CDK5RAP1: variants seen among roughly 807,000 people sequenced by gnomAD.
The protein encoded by CDK5RAP1 is CDK5RAP1 mitochondrial tRNA methylthiotransferase.
A neutral mutation model predicts 64.5 loss-of-function variants in CDK5RAP1; 62 were observed. The ratio of observed to expected loss-of-function variants is 0.96; its 90% confidence interval spans 0.78 to 1.19. The LOEUF (loss-of-function observed/expected upper bound fraction) is 1.19. CDK5RAP1 is among the 50% of genes most tolerant of loss of function. The pLI, the probability that CDK5RAP1 is intolerant of heterozygous loss-of-function variation, is 0.00. For synonymous variants in CDK5RAP1, 250 were observed against 261.9 expected (o/e 0.95, Z 0.44); for missense variants, 657 against 735.0 (o/e 0.89, Z 1.23).
intron 3 of CDK5RAP1, 28 bp downstream of exon 3, chr20:33,394,985 A>C: frequency 1.5e-6 from 2 of 1,368,460 alleles, no homozygotes; most frequent in Non-Finnish European, 2.1e-6. Context: ...CAGGTCCAGG[A>C]AACAAAGGAA....
chr20:33,396,939 G>A lies in CDK5RAP1; in HGVS notation c.126C>T (p.Pro42=). ...AHSSLSSTMC[P]SPERQEDGAR... The stretch of plus-strand genomic sequence containing the variant: ...CTCCATCCTCCTGCCTCTCTGGACT[G>A]GGACACATGGTACTAGAGAGACTGC... The change falls in exon 2 of 14, where the codon CCC becomes CCT. Residue 42 remains proline (P), a synonymous_variant. Coordinates refer to ENST00000346416, the MANE Select transcript of CDK5RAP1 (RefSeq NM_016408.4). 6.2e-7 allele frequency: 1 copy of A among 1,614,152 alleles called. No individual in the cohort carries two copies. The highest frequency in any genetic ancestry group is 8.5e-7 in the Non-Finnish European group (1 of 1,180,004).
rs148856565 is a variant in CDK5RAP1 at position 33,373,149 on chromosome 20, C to CGTGTGTGTGTGTGTGTGT, written c.1206-470_1206-453dup. ...AGAGACTGGGTTTCGCCATGTTGCC[C>CGTGTGTGTGTGTGTGTGT]GTGTGTGTGTGTGTGTGTGTGTGTG... On this transcript the variant is annotated intron_variant, in intron 9 of 13. Transcript: ENST00000346416. 1,156 of 140,000 alleles carry CGTGTGTGTGTGTGTGTGT rather than the reference C, an allele frequency of 8.3e-3. 32 individuals are homozygous for CGTGTGTGTGTGTGTGTGT. Among genetic ancestry groups the CGTGTGTGTGTGTGTGTGT allele is most frequent in the African/African-American group, 0.031 (1,114 of 36,020 alleles). The allele number at this position is 140,000 out of a possible 1,614,324, so 8.7% of individuals were successfully genotyped here.
chr20:33,383,841 G>A (rs955004413), intron 7 of CDK5RAP1, among the ~76,000 whole-genome samples: 9 of 144,928 alleles, frequency 6.2e-5, no homozygotes, highest in Admixed American at 4.2e-4. Context: ...GAATCTGGGA[G>A]GTGGAGGCTG....
intron 13 of CDK5RAP1, chr20:33,359,412 C>G (rs1982491280): frequency 2.9e-6 from 1 of 341,430 alleles, no homozygotes; most frequent in Non-Finnish European, 5.4e-6. Context: ...GTGAAACTGC[C>G]CATCACAGGC....
intron 10 of CDK5RAP1, among the ~76,000 whole-genome samples, chr20:33,372,234 G>C (rs1464955686): frequency 1.7e-5 from 2 of 120,176 alleles, no homozygotes; most frequent in South Asian, 5.0e-4. Flanking sequence ...ATAAAATATA[G>C]AAAATGAAGA....
chr20:33,393,936 A>G, intron 4 of CDK5RAP1, 96 bp downstream of exon 4: 1 of 865,254 alleles, frequency 1.2e-6, no homozygotes, highest in Non-Finnish European at 2.0e-6. Flanking sequence ...CCATGGGGCC[A>G]CTGGCTCATC....
intron 6 of CDK5RAP1, among the ~76,000 whole-genome samples, chr20:33,386,775 T>TTA (rs1555809828): frequency 1.4e-5 from 2 of 139,314 alleles, no homozygotes; most frequent in African/African-American, 5.5e-5. Flanking sequence ...AACTTTTCTG[T>TTA]AAAAAAAAAA....
At chr20:33,368,494 A>G (rs1984408619) in intron 11 of CDK5RAP1, among the ~76,000 whole-genome samples, 2 of 99,810 alleles carry the variant, frequency 2.0e-5, no homozygotes, top group Admixed American at 1.5e-4. Context: ...TTTTTGGTAG[A>G]GAAGGGTCTC....
chr20:33,370,856 A>G (rs1055251306), intron 10 of CDK5RAP1, among the ~76,000 whole-genome samples: 1 of 152,220 alleles, frequency 6.6e-6, no homozygotes, highest in African/African-American at 2.4e-5. Flanking sequence ...AAGCACTAGA[A>G]AAGGTATTTC....
chr20:33,391,048 G>A (rs1489855897), intron 5 of CDK5RAP1, among the ~76,000 whole-genome samples: 1 of 152,048 alleles, frequency 6.6e-6, no homozygotes, highest in Non-Finnish European at 1.5e-5. Flanking sequence ...CAGCCCAGAA[G>A]TTCTAGACCA....
chr20:33,361,172 C>T (rs892015964), intron 12 of CDK5RAP1, among the ~76,000 whole-genome samples: 1 of 152,138 alleles, frequency 6.6e-6, no homozygotes, highest in Non-Finnish European at 1.5e-5. Context: ...AGTGAGCCCC[C>T]CAATCACCCC....
intron 12 of CDK5RAP1, 68 bp downstream of exon 12, chr20:33,366,791 G>GA (rs1984037614): frequency 1.4e-6 from 2 of 1,471,290 alleles, no homozygotes; most frequent in South Asian, 1.4e-5. Flanking sequence ...ACATAATGAG[G>GA]AAAAAAATCA....
chr20:33,380,499 T>C (rs1180250394), intron 7 of CDK5RAP1, among the ~76,000 whole-genome samples: 1 of 152,152 alleles, frequency 6.6e-6, no homozygotes, highest in Non-Finnish European at 1.5e-5. Flanking sequence ...TTTTCATACA[T>C]ATGATAATGA....
At chr20:33,376,868 T>G (rs554140571) in intron 8 of CDK5RAP1, among the ~76,000 whole-genome samples, 2 of 152,176 alleles carry the variant, frequency 1.3e-5, no homozygotes, top group Non-Finnish European at 2.9e-5. Context: ...ATGTCAACAT[T>G]AATAGGAGTT....
At chr20:33,365,177 T>G (rs886332606) in intron 12 of CDK5RAP1, among the ~76,000 whole-genome samples, 6 of 152,176 alleles carry the variant, frequency 3.9e-5, no homozygotes, top group African/African-American at 1.4e-4. Flanking sequence ...ATCACAGGCT[T>G]GAGCCACCAT....
chr20:33,385,780 A>G lies in CDK5RAP1; in HGVS notation c.756-10T>C. On this transcript the variant is annotated splice_polypyrimidine_tract_variant and intron_variant, in intron 6 of 13. Coordinates refer to ENST00000346416, the MANE Select transcript of CDK5RAP1 (RefSeq NM_016408.4). Reference sequence around the variant, plus strand: ...GCCTCGCATGATTGACCTGGAGAAGAAAGTACCAGAACTTAGTAACAGTAG... The same window carrying G: ...GCCTCGCATGATTGACCTGGAGAAGGAAGTACCAGAACTTAGTAACAGTAG... 6.2e-7 allele frequency: 1 copy of G among 1,609,564 alleles called. No homozygotes were observed. Among genetic ancestry groups the G allele is most frequent in the Non-Finnish European group, 8.5e-7 (1 of 1,177,938 alleles).
Position 33,358,945 on chromosome 20 carries a change from AT to A in CDK5RAP1, c.*97del. On this transcript the variant is annotated 3_prime_UTR_variant, in exon 14 of 14. Transcript: ENST00000346416. ...AAAGTTGCTTCGCCCCTTGCAGCTTATCTCCACCTTCATGACCTGTTTCCTC... is the reference window on the plus strand; with the variant it reads ...AAAGTTGCTTCGCCCCTTGCAGCTTACTCCACCTTCATGACCTGTTTCCTC... 2 of 859,718 alleles carry A rather than the reference AT, an allele frequency of 2.3e-6. No homozygotes were observed. 53.3% of individuals were successfully genotyped at this position (859,718 alleles called of 1,614,324 possible).
chr20:33,370,765 T>C (rs1984872529), intron 10 of CDK5RAP1, 136 bp from the exon 11 acceptor site: 1 of 812,586 alleles, frequency 1.2e-6, no homozygotes, highest in Non-Finnish European at 2.0e-6. Flanking sequence ...TAAAACAAAA[T>C]AGTACAGAGT....
chr20:33,374,490 G>C (rs1054876462), intron 8 of CDK5RAP1, among the ~76,000 whole-genome samples: 6 of 152,044 alleles, frequency 3.9e-5, no homozygotes, highest in Admixed American at 2.6e-4. Flanking sequence ...TACAGGTAGT[G>C]CTGACACTAG....
Sources: gnomAD v4.1 joint callset for allele counts (sites outside exome capture counted in the v4.1 genomes callset) on GRCh38, gnomAD v4.1.1 for gene constraint, MANE v1.5 for transcripts, NCBI Gene and HGNC (gene_info 2026-07-23, HGNC 2026-07-21) for gene names.